Variants in KCNH8 observed in about 807,000 individuals in gnomAD.
KCNH8 encodes voltage-gated delayed rectifier potassium channel KCNH8.
A neutral mutation model predicts 103.6 loss-of-function variants in KCNH8; 70 were observed. The ratio of observed to expected loss-of-function variants is 0.68; its 90% CI spans 0.56 to 0.82. The LOEUF (loss-of-function observed/expected upper bound fraction) is 0.82. Ranked by LOEUF, KCNH8 falls within the 40% of genes least tolerant of loss-of-function variation. The pLI is 0.00. For synonymous variants in KCNH8, 498 were observed against 489.4 expected (o/e 1.02, Z -0.23); for missense variants, 1,217 against 1,329.9 (o/e 0.92, Z 1.32).
In KCNH8 at chr3:19,500,431, C is replaced by A. The variant is rs570201053; in HGVS notation, c.2041-9932C>A. Among the ~76,000 whole-genome samples, 9 of 152,162 alleles carry A rather than the reference C, an allele frequency of 5.9e-5. No homozygotes were observed. In the East Asian group the frequency reaches 1.7e-3, roughly 29 times the overall value. On this transcript the variant is annotated intron_variant, in intron 11 of 15. Transcript: ENST00000328405. ...GAATTGAACTCAGCTCTGCACCAAG[C>A]GGACCTAATAGACATCTACAGAACT...
intron 1 of KCNH8, among the ~76,000 whole-genome samples, chr3:19,252,103 A>T (rs747168066): frequency 6.6e-6 from 1 of 152,162 alleles, no homozygotes; most frequent in Non-Finnish European, 1.5e-5. Flanking sequence ...TAATTCATTC[A>T]TAGTGAACCT....
At chr3:19,476,018 A>G (rs2067967114) in intron 11 of KCNH8, among the ~76,000 whole-genome samples, 1 of 152,184 alleles carries the variant, frequency 6.6e-6, no homozygotes, top group Admixed American at 6.5e-5. Flanking sequence ...TATCTTCCTC[A>G]CCTGAAAATG....
chr3:19,335,443 G>T (rs909883376), intron 3 of KCNH8, among the ~76,000 whole-genome samples: 1 of 146,716 alleles, frequency 6.8e-6, no homozygotes, highest in Non-Finnish European at 1.5e-5. Flanking sequence ...ATATGTGTGT[G>T]TGTATATATA....
chr3:19,286,583 C>G (rs1395917742), intron 3 of KCNH8, among the ~76,000 whole-genome samples: 1 of 152,178 alleles, frequency 6.6e-6, no homozygotes, highest in Non-Finnish European at 1.5e-5. Context: ...ATTGGTTCCA[C>G]TACATCCTGA....
At chr3:19,380,737 A>T (rs1240229683) in intron 5 of KCNH8, among the ~76,000 whole-genome samples, 1 of 152,228 alleles carries the variant, frequency 6.6e-6, no homozygotes, top group African/African-American at 2.4e-5. Context: ...CTCAGTGCCA[A>T]GTTTGGCATT....
chr3:19,166,111 A>G (rs2063280728), intron 1 of KCNH8, among the ~76,000 whole-genome samples: 1 of 152,242 alleles, frequency 6.6e-6, no homozygotes, highest in South Asian at 2.1e-4. Context: ...ATTGGAGTCA[A>G]TAATAAAATC....
chr3:19,172,563 T>C (rs999656365), intron 1 of KCNH8, among the ~76,000 whole-genome samples: 1 of 152,228 alleles, frequency 6.6e-6, no homozygotes, highest in Non-Finnish European at 1.5e-5. Context: ...TTTGTCATCA[T>C]CTCACCTCCC....
rs193189104 is a variant in KCNH8, at chr3:19,251,576, A to T, written c.77-2078A>T. Among the ~76,000 whole-genome samples, 9 of 152,208 alleles carry T rather than the reference A, an allele frequency of 5.9e-5. No individual in the cohort carries two copies. In the East Asian group the frequency reaches 1.7e-3, roughly 30 times the overall value. ...ACAAACAACAAAAGCTTAAAAGGAG[A>T]TGGAGAAACACATGGAATAGATTTT... On this transcript the variant is annotated intron_variant, in intron 1 of 15. Transcript: ENST00000328405.
At position 19,241,054 on chromosome 3, in the gene KCNH8, GAGATATTTCACACTAATTA is replaced by G. The variant is rs551387401; in HGVS notation, c.77-12594_77-12576del. 1.8e-4 allele frequency among the ~76,000 whole-genome samples: 27 copies of G among 152,228 alleles called. No homozygotes were observed. In the East Asian group the frequency reaches 5.0e-3, roughly 28 times the overall value. On this transcript the variant is annotated intron_variant, in intron 1 of 15. Coordinates refer to ENST00000328405, the MANE Select transcript of KCNH8 (RefSeq NM_144633.3). Reference sequence around the variant, plus strand: ...GTTAAGTGGAAGAAATTTAGGGTTTGAGATATTTCACACTAATTAAGATACCTCTGCTGTATCTTAATAT... The same window carrying G: ...GTTAAGTGGAAGAAATTTAGGGTTTGAGATACCTCTGCTGTATCTTAATAT...
chr3:19,472,969 T>G (rs112670286), intron 11 of KCNH8, among the ~76,000 whole-genome samples: 1,539 of 152,328 alleles, frequency 0.01, 12 homozygotes, highest in Non-Finnish European at 0.017. Flanking sequence ...GGTAATTTGT[T>G]TATATTACCT....
chr3:19,242,742 C>G (rs1423622465), intron 1 of KCNH8, among the ~76,000 whole-genome samples: 1 of 152,108 alleles, frequency 6.6e-6, no homozygotes, highest in African/African-American at 2.4e-5. Flanking sequence ...TCACCAGGTC[C>G]TATACCTTGG....
intron 1 of KCNH8, among the ~76,000 whole-genome samples, chr3:19,160,169 A>G (rs1466669114): frequency 6.6e-6 from 1 of 152,168 alleles, no homozygotes; most frequent in Non-Finnish European, 1.5e-5. Context: ...AATCTGCTGA[A>G]TAAGCATCAG....
rs532429161 is a variant in KCNH8 at position 19,243,383 on chromosome 3, C to T, written c.77-10271C>T. Among the ~76,000 whole-genome samples, 85 of 152,126 alleles carry T rather than the reference C, an allele frequency of 5.6e-4. 1 individual carries two copies. Among genetic ancestry groups the T allele is most frequent in the African/African-American group, 2.0e-3 (83 of 41,516 alleles). On this transcript the variant is annotated intron_variant, in intron 1 of 15. Transcript: ENST00000328405. ...TTATAATGACTCTAGAAGAAAACTCCGATATTACAGCCATGGAATAGCTGT... is the reference window on the plus strand; with the variant it reads ...TTATAATGACTCTAGAAGAAAACTCTGATATTACAGCCATGGAATAGCTGT...
At chr3:19,468,525 C>G (rs2067789670) in intron 11 of KCNH8, among the ~76,000 whole-genome samples, 1 of 152,142 alleles carries the variant, frequency 6.6e-6, no homozygotes, top group South Asian at 2.1e-4. Flanking sequence ...TTCACTTCCC[C>G]TAAGTTCAGG....
At chr3:19,433,887 G>A (rs2067158007) in intron 7 of KCNH8, among the ~76,000 whole-genome samples, 1 of 152,178 alleles carries the variant, frequency 6.6e-6, no homozygotes, top group Admixed American at 6.5e-5. Flanking sequence ...AAATGGAAAA[G>A]GGGTGAAGGG....
intron 1 of KCNH8, among the ~76,000 whole-genome samples, chr3:19,250,667 T>C (rs1002841606): frequency 4.7e-4 from 71 of 152,342 alleles, no homozygotes; most frequent in African/African-American, 1.7e-3. Context: ...TCTATTTTTG[T>C]CTTATTCCAA....
At chr3:19,333,530 C>T (rs1418824362) in intron 3 of KCNH8, among the ~76,000 whole-genome samples, 1 of 152,152 alleles carries the variant, frequency 6.6e-6, no homozygotes, top group Non-Finnish European at 1.5e-5. Flanking sequence ...CCTGCCCTGA[C>T]TCTGGCAGTA....
At chr3:19,269,729 A>G (rs541987932) in intron 2 of KCNH8, among the ~76,000 whole-genome samples, 135 of 152,298 alleles carry the variant, frequency 8.9e-4, no homozygotes, top group Non-Finnish European at 1.7e-3. Context: ...ACTCAGTGCC[A>G]TAATTCCCAA....
intron 2 of KCNH8, among the ~76,000 whole-genome samples, chr3:19,262,431 T>A (rs933895912): frequency 6.6e-6 from 1 of 152,056 alleles, no homozygotes; most frequent in African/African-American, 2.4e-5. Flanking sequence ...TGTCATCTAG[T>A]TATTTCAGAA....
Sources: gnomAD v4.1 joint callset for allele counts (sites outside exome capture counted in the v4.1 genomes callset) on GRCh38, gnomAD v4.1.1 for gene constraint, MANE v1.5 for transcripts, NCBI Gene and HGNC (gene_info 2026-07-23, HGNC 2026-07-21) for gene names.